PAPPA: variants seen among roughly 807,000 people sequenced by gnomAD.
PAPPA encodes pappalysin-1.
Under a neutral mutation model 164.0 loss-of-function variants are expected in PAPPA, and 60 were observed. The observed-to-expected ratio is 0.37, with a 90% CI of 0.30 to 0.45. The LOEUF is 0.45. Among genes scored for constraint, PAPPA ranks in the 20% least tolerant of loss-of-function variants. PAPPA has a pLI of 1.00. For synonymous variants in PAPPA, 875 were observed against 814.1 expected (o/e 1.07, Z -1.27); for missense variants, 1,782 against 2,087.3 (o/e 0.85, Z 2.85).
At chr9:116,179,049 G>A (rs1222632668) in intron 1 of PAPPA, among the ~76,000 whole-genome samples, 2 of 152,114 alleles carry the variant, frequency 1.3e-5, no homozygotes, top group Non-Finnish European at 2.9e-5. Flanking sequence ...CCTCACATCT[G>A]GATAGCCTTA....
intron 7 of PAPPA, among the ~76,000 whole-genome samples, chr9:116,241,120 A>G (rs1372952102): frequency 6.6e-6 from 1 of 152,166 alleles, no homozygotes; most frequent in Non-Finnish European, 1.5e-5. Context: ...ATCAGATCCA[A>G]ATTTTTGCCT....
In PAPPA at chr9:116,170,868, G is replaced by A. The variant is rs189139424; in HGVS notation, c.415+16281G>A. Among the ~76,000 whole-genome samples, 251 of 131,834 alleles carry A rather than the reference G, an allele frequency of 1.9e-3. 1 individual carries two copies. Among genetic ancestry groups the A allele is most frequent in the African/African-American group, 6.2e-3 (235 of 38,162 alleles). The allele number at this position is 131,834 out of a possible 152,430, so 86.5% of individuals were successfully genotyped here. On this transcript the variant is annotated intron_variant, in intron 1 of 21. Coordinates refer to ENST00000328252, the MANE Select transcript of PAPPA (RefSeq NM_002581.5). Reference sequence around the variant, plus strand: ...AGGTTCCAATTCTTGTTTTTATGCCGCTGTGAGTTCTTAAAAAAAAAAAAA... The same window carrying A: ...AGGTTCCAATTCTTGTTTTTATGCCACTGTGAGTTCTTAAAAAAAAAAAAA...
intron 7 of PAPPA, among the ~76,000 whole-genome samples, chr9:116,240,279 T>C (rs1409308110): frequency 1.3e-5 from 2 of 152,138 alleles, no homozygotes; most frequent in African/African-American, 2.4e-5. Context: ...TCACAGTCTA[T>C]GGGAAAAGAG....
rs1421008304 is a variant in PAPPA, at chr9:116,347,476, TGAA to T, written c.3964+272_3964+274del. ...AAAGAAAAGAAAGAGAGGATAAAAG[TGAA>T]GAAGGGAGGGAAGAAGGAAGAGAGA... On this transcript the variant is annotated intron_variant, in intron 15 of 21. Coordinates refer to ENST00000328252, the MANE Select transcript of PAPPA (RefSeq NM_002581.5). The surrounding 1 kb of genome is among the most constrained non-coding windows in gnomAD (Gnocchi z 4.5). Among the ~76,000 whole-genome samples, 1 of 151,210 alleles carries T rather than the reference TGAA, an allele frequency of 6.6e-6. No individual in the cohort carries two copies. Among genetic ancestry groups the T allele is most frequent in the Non-Finnish European group, 1.5e-5 (1 of 67,826 alleles).
At chr9:116,229,215 A>G (rs990703850) in intron 6 of PAPPA, among the ~76,000 whole-genome samples, 1 of 152,156 alleles carries the variant, frequency 6.6e-6, no homozygotes, top group Non-Finnish European at 1.5e-5. Context: ...AAAGTTTGGT[A>G]TGTTCACAGA....
intron 7 of PAPPA, among the ~76,000 whole-genome samples, chr9:116,257,048 TAAAC>T (rs1302990018): frequency 1.3e-5 from 2 of 151,326 alleles, no homozygotes; most frequent in African/African-American, 2.4e-5. Flanking sequence ...AAAACACAAA[TAAAC>T]AAATGAAAAA....
At chr9:116,248,073 C>A (rs1844817592) in intron 7 of PAPPA, among the ~76,000 whole-genome samples, 1 of 152,094 alleles carries the variant, frequency 6.6e-6, no homozygotes, top group African/African-American at 2.4e-5. Context: ...TGTTCTTGGC[C>A]AGAGCCATGA....
rs374240357 is a variant in PAPPA, at chr9:116,353,634, G to C, written c.4188G>C (p.Lys1396Asn). The change falls in exon 17 of 22, where the codon AAG becomes AAC. Residue 1396 changes from lysine to asparagine, a missense_variant. Around this residue, in one of 2 missense-constraint regions of PAPPA, gnomAD observed 1,324 missense variants for 1,656.9 expected, o/e 0.80. Coordinates refer to ENST00000328252, the MANE Select transcript of PAPPA (RefSeq NM_002581.5). ...CCTTTCCTTGAAGACGGGCCTTCAAGACTCAGTGTACCCAGGATGGCAGCT... is the reference window on the plus strand; with the variant it reads ...CCTTTCCTTGAAGACGGGCCTTCAACACTCAGTGTACCCAGGATGGCAGCT... ...SSRKSKKRAF[K>N]TQCTQDGSWQ... is the part of the protein sequence containing the mutation. 25 of 1,613,828 alleles carry C rather than the reference G, an allele frequency of 1.5e-5. No homozygotes were observed. The highest frequency in any genetic ancestry group is 2.1e-5 in the Non-Finnish European group (25 of 1,179,962).
At chr9:116,183,542 C>A (rs563862005) in intron 1 of PAPPA, among the ~76,000 whole-genome samples, 1 of 152,216 alleles carries the variant, frequency 6.6e-6, no homozygotes, top group South Asian at 2.1e-4. Context: ...CCCTTTCAGA[C>A]CCTAAAATAA....
chr9:116,168,146 C>T (rs749991252), intron 1 of PAPPA, among the ~76,000 whole-genome samples: 6 of 152,134 alleles, frequency 3.9e-5, no homozygotes, highest in Non-Finnish European at 7.3e-5. Context: ...TTTTAAAGAA[C>T]TTCTTATGTG....
intron 16 of PAPPA, 100 bp from the exon 17 acceptor site, chr9:116,353,522 A>G (rs1483557600): frequency 9.3e-7 from 1 of 1,080,032 alleles, no homozygotes; most frequent in Admixed American, 2.2e-5. Context: ...AATCAAAACT[A>G]GGAAATAGGA....
chr9:116,401,230 T>TCC lies in PAPPA; in HGVS notation c.*4614_*4615insCC, dbSNP rs1847048741. On this transcript the variant is annotated 3_prime_UTR_variant, in exon 22 of 22. Coordinates refer to ENST00000328252, the MANE Select transcript of PAPPA (RefSeq NM_002581.5). ...CTATAATTTGGTTAAAAGCTGATTA[T>TCC]GTCCTACAATGTCAAAGTCAGCTAA... 1 of 152,392 alleles carries TCC rather than the reference T, an allele frequency of 6.6e-6. No homozygotes were observed. Among genetic ancestry groups the TCC allele is most frequent in the African/African-American group, 2.4e-5 (1 of 41,372 alleles). The allele number at this position is 152,392 out of a possible 1,614,324, so 9.4% of individuals were successfully genotyped here. A position where few individuals can be genotyped will look rare whatever the true frequency, so the allele number is the denominator to read the frequency against.
intron 7 of PAPPA, among the ~76,000 whole-genome samples, chr9:116,239,591 C>A (rs907365343): frequency 2.0e-5 from 3 of 152,278 alleles, no homozygotes; most frequent in Non-Finnish European, 2.9e-5. Context: ...TAATGACAAC[C>A]ATTTACTAAG....
chr9:116,240,430 G>C (rs115724121), intron 7 of PAPPA, among the ~76,000 whole-genome samples: 1,711 of 152,270 alleles, frequency 0.011, 35 homozygotes, highest in African/African-American at 0.04. Flanking sequence ...CCGAGGGCTA[G>C]ATTTTTTTCC....
intron 19 of PAPPA, among the ~76,000 whole-genome samples, chr9:116,375,925 C>A (rs1846644299): frequency 6.6e-6 from 1 of 152,084 alleles, no homozygotes; most frequent in Non-Finnish European, 1.5e-5. Flanking sequence ...AAGCATGTAC[C>A]ATTTTATTTT....
chr9:116,278,207 T>A (rs1003754279), intron 9 of PAPPA, among the ~76,000 whole-genome samples: 2 of 152,216 alleles, frequency 1.3e-5, no homozygotes, highest in Non-Finnish European at 2.9e-5. Context: ...TGCTAAGAAC[T>A]CTTTGTAAAA....
At chr9:116,276,474 A>G (rs915410411) in intron 9 of PAPPA, among the ~76,000 whole-genome samples, 1 of 151,950 alleles carries the variant, frequency 6.6e-6, no homozygotes, top group Non-Finnish European at 1.5e-5. Flanking sequence ...GCTGCAGCTT[A>G]GCACCTCAGA....
chr9:116,335,921 T>C (rs564036783), intron 13 of PAPPA, among the ~76,000 whole-genome samples: 14 of 152,196 alleles, frequency 9.2e-5, no homozygotes, highest in Non-Finnish European at 1.8e-4. Context: ...AAACATAACA[T>C]ATTAAAGAAG....
chr9:116,212,579 A>G (rs114085459), intron 4 of PAPPA, among the ~76,000 whole-genome samples: 60 of 152,296 alleles, frequency 3.9e-4, no homozygotes, highest in African/African-American at 1.3e-3. Flanking sequence ...CCAGCATCAA[A>G]TTCTGTTACC....
Sources: gnomAD v4.1 joint callset for allele counts (sites outside exome capture counted in the v4.1 genomes callset) on GRCh38, gnomAD v4.1.1 for gene constraint, gnomAD v4.1.1 regional missense constraint, Gnocchi (gnomAD v3.1) non-coding constraint, MANE v1.5 for transcripts, NCBI Gene and HGNC (gene_info 2026-07-23, HGNC 2026-07-21) for gene names.